CUL3: variants seen among roughly 807,000 people sequenced by gnomAD.
CUL3 encodes the protein cullin 3, also known as cullin-3.
CUL3 carries 19 observed loss-of-function variants against 89.1 expected under a neutral mutation model. The ratio of observed to expected loss-of-function variants is 0.21; its 90% CI spans 0.15 to 0.31. CUL3 has a LOEUF of 0.31. CUL3 is among the 10% of genes least tolerant of loss of function. CUL3 has a pLI of 1.00. For missense variants in CUL3, 469 were observed against 942.3 expected (o/e 0.50, Z 6.58); for synonymous variants, 351 against 308.4 (o/e 1.14, Z -1.45).
At chr2:224,505,439 T>C (rs1330102382) in intron 8 of CUL3, among the ~76,000 whole-genome samples, 1 of 151,952 alleles carries the variant, frequency 6.6e-6, no homozygotes, top group Non-Finnish European at 1.5e-5. Context: ...ACCTGGACAG[T>C]TGTTCAGTTT....
chr2:224,572,452 C>T (rs1695201894), intron 1 of CUL3, among the ~76,000 whole-genome samples: 1 of 151,180 alleles, frequency 6.6e-6, no homozygotes, highest in Non-Finnish European at 1.5e-5. Context: ...TGAGACCAGC[C>T]TGGGCAACAC....
rs140295820 is a variant in CUL3 at position 224,514,367 on chromosome 2, AGT to A, written c.539+243_539+244del. 8.3e-3 allele frequency among the ~76,000 whole-genome samples: 1,257 copies of A among 152,314 alleles called. 11 individuals are homozygous for A. Among genetic ancestry groups the A allele is most frequent in the African/African-American group, 0.029 (1,199 of 41,574 alleles). ...CATGAAAAATAAATGAAAAGCCAAA[AGT>A]GACGGCTAGCTGAAAAGCATATTAA... On this transcript the variant is annotated intron_variant, in intron 4 of 15. Coordinates refer to ENST00000264414, the MANE Select transcript of CUL3 (RefSeq NM_003590.5).
At chr2:224,574,911 GT>G (rs1208552439) in intron 1 of CUL3, among the ~76,000 whole-genome samples, 1 of 152,062 alleles carries the variant, frequency 6.6e-6, no homozygotes, top group East Asian at 1.9e-4. Flanking sequence ...ACTGATCAAA[GT>G]CATAAAAAAG....
At chr2:224,553,763 G>A (rs1190615138) in intron 2 of CUL3, among the ~76,000 whole-genome samples, 2 of 152,020 alleles carry the variant, frequency 1.3e-5, no homozygotes, top group African/African-American at 4.8e-5. Context: ...ACCAGGAAGG[G>A]GACTCTCACC....
At chr2:224,557,890 A>AAAAAC in intron 1 of CUL3, 34 bp from the exon 2 acceptor site, 1 of 1,138,688 alleles carries the variant, frequency 8.8e-7, no homozygotes, top group Non-Finnish European at 1.2e-6. Flanking sequence ...AGACAAAAAA[A>AAAAAC]AAAAAAAAAA....
chr2:224,562,305 T>C (rs1694927573), intron 1 of CUL3, among the ~76,000 whole-genome samples: 1 of 152,094 alleles, frequency 6.6e-6, no homozygotes. Flanking sequence ...GAAAAAATGT[T>C]CCTTCTGGTG....
chr2:224,521,554 G>T (rs1202423881), intron 3 of CUL3, among the ~76,000 whole-genome samples: 1 of 151,176 alleles, frequency 6.6e-6, no homozygotes, highest in Non-Finnish European at 1.5e-5. Flanking sequence ...CCTCAGCCCC[G>T]CTAGTAGCTG....
chr2:224,537,407 T>C (rs1251980398), intron 2 of CUL3, among the ~76,000 whole-genome samples: 5 of 152,192 alleles, frequency 3.3e-5, no homozygotes, highest in African/African-American at 9.6e-5. Flanking sequence ...TTTAATCTTT[T>C]GTTCACAAGA....
chr2:224,487,496 A>G (rs1326418175), intron 13 of CUL3, among the ~76,000 whole-genome samples: 1 of 149,764 alleles, frequency 6.7e-6, no homozygotes. Context: ...CTCTGATAAA[A>G]AAAGACAAAG....
intron 1 of CUL3, among the ~76,000 whole-genome samples, chr2:224,569,263 T>A (rs917838054): frequency 1.3e-5 from 2 of 152,180 alleles, no homozygotes; most frequent in African/African-American, 2.4e-5. Flanking sequence ...CACACATTTA[T>A]CATCTATATA....
intron 1 of CUL3, among the ~76,000 whole-genome samples, chr2:224,560,263 T>G (rs1296216213): frequency 6.6e-6 from 1 of 152,118 alleles, no homozygotes; most frequent in East Asian, 1.9e-4. Context: ...TCAGTTTTTG[T>G]TTTTTGTTTT....
At position 224,470,223 on chromosome 2, in the gene CUL3, G is replaced by A. The variant is rs1376333232; in HGVS notation, c.*4022C>T. ...TGCAATAAAGTTTATTAGTTGAACT[G>A]TCCTGTTATTAAAATCTTGAAATTT... On this transcript the variant is annotated 3_prime_UTR_variant, in exon 16 of 16. Coordinates refer to ENST00000264414, the MANE Select transcript of CUL3 (RefSeq NM_003590.5). 2 of 211,126 alleles carry A rather than the reference G, an allele frequency of 9.5e-6. No homozygotes were observed. Among genetic ancestry groups the A allele is most frequent in the Non-Finnish European group, 1.9e-5 (2 of 104,420 alleles). The allele number at this position is 211,126 out of a possible 1,614,324, so 13.1% of individuals were successfully genotyped here. A position where few individuals can be genotyped will look rare whatever the true frequency, so the allele number is the denominator to read the frequency against.
intron 3 of CUL3, among the ~76,000 whole-genome samples, chr2:224,520,977 T>C (rs1693238022): frequency 6.6e-6 from 1 of 152,194 alleles, no homozygotes. Context: ...AAGGGGTGTC[T>C]CTTAAAGTGC....
intron 1 of CUL3, among the ~76,000 whole-genome samples, chr2:224,572,659 G>C (rs1204333370): frequency 1.3e-5 from 2 of 150,376 alleles, no homozygotes; most frequent in Admixed American, 6.6e-5. Flanking sequence ...AAAAGGTGGG[G>C]TCTTCAGGAA....
chr2:224,580,452 G>A lies in CUL3; in HGVS notation c.66+4492C>T, dbSNP rs561323379. Among the ~76,000 whole-genome samples, 126 of 152,356 alleles carry A rather than the reference G, an allele frequency of 8.3e-4. 1 individual carries two copies. The highest frequency in any genetic ancestry group is 2.9e-3 in the African/African-American group (121 of 41,588). ...TAATCCCAGCACTTTGCGTAACAGC[G>A]GTGGGCTGATCACCTAAGATCAGGA... On this transcript the variant is annotated intron_variant, in intron 1 of 15. Coordinates refer to ENST00000264414, the MANE Select transcript of CUL3 (RefSeq NM_003590.5).
intron 1 of CUL3, among the ~76,000 whole-genome samples, chr2:224,568,823 G>C (rs1695110308): frequency 6.6e-6 from 1 of 152,114 alleles, no homozygotes; most frequent in South Asian, 2.1e-4. Flanking sequence ...AAATGAAATG[G>C]GCTTCAAGTG....
chr2:224,544,052 C>T (rs1423383063), intron 2 of CUL3, among the ~76,000 whole-genome samples: 4 of 152,052 alleles, frequency 2.6e-5, no homozygotes, highest in Non-Finnish European at 5.9e-5. Flanking sequence ...AACCTCTTTG[C>T]AGACAACTGC....
chr2:224,545,550 AG>A (rs1316188945), intron 2 of CUL3, among the ~76,000 whole-genome samples: 1 of 152,230 alleles, frequency 6.6e-6, no homozygotes, highest in Non-Finnish European at 1.5e-5. Flanking sequence ...AAGCTCTTAA[AG>A]AAATCAGGTC....
At chr2:224,531,658 A>T (rs1175125741) in intron 3 of CUL3, among the ~76,000 whole-genome samples, 1 of 152,208 alleles carries the variant, frequency 6.6e-6, no homozygotes, top group Non-Finnish European at 1.5e-5. Context: ...GAGCAACTGC[A>T]GCCAGTGGGG....
Sources: allele counts gnomAD v4.1 joint callset (sites outside exome capture counted in the v4.1 genomes callset), GRCh38; gene constraint gnomAD v4.1.1; transcripts MANE v1.5; gene names NCBI Gene and HGNC (gene_info 2026-07-23, HGNC 2026-07-21).